Variants in MECOM observed in about 807,000 individuals in gnomAD.
MECOM encodes MDS1 and EVI1 complex locus.
Under a neutral mutation model 116.3 loss-of-function variants are expected in MECOM, and 13 were observed. That is an observed-to-expected ratio of 0.11 (90% CI 0.07 to 0.18). MECOM has a LOEUF of 0.18. MECOM is among the 10% of genes least tolerant of loss of function. The pLI is 1.00. For missense variants in MECOM, 1,299 were observed against 1,509.0 expected (o/e 0.86, Z 2.31); for synonymous variants, 528 against 535.2 (o/e 0.99, Z 0.19).
intron 1 of MECOM, among the ~76,000 whole-genome samples, chr3:169,603,877 G>T (rs1260759037): frequency 6.6e-6 from 1 of 152,088 alleles, no homozygotes; most frequent in Non-Finnish European, 1.5e-5. Context: ...GACTGTGTTT[G>T]CTTATCTCAA....
intron 10 of MECOM, 142 bp downstream of exon 10, chr3:169,107,784 G>T (rs1725912158): frequency 1.7e-6 from 1 of 599,752 alleles, no homozygotes; most frequent in African/African-American, 1.9e-5. Context: ...GCTTGAGAAA[G>T]CAGGGAAACT....
At chr3:169,130,219 A>T (rs2149196208) in intron 4 of MECOM, among the ~76,000 whole-genome samples, 1 of 152,310 alleles carries the variant, frequency 6.6e-6, no homozygotes, top group South Asian at 2.1e-4. Context: ...AATAAAAATA[A>T]TTGTTTGAAA....
intron 7 of MECOM, among the ~76,000 whole-genome samples, chr3:169,119,443 G>A (rs1348865102): frequency 6.6e-6 from 1 of 152,160 alleles, no homozygotes. Flanking sequence ...TATGCAATCT[G>A]ATTGGAAAGG....
intron 2 of MECOM, among the ~76,000 whole-genome samples, chr3:169,350,402 T>C (rs1726118846): frequency 6.6e-6 from 1 of 151,914 alleles, no homozygotes; most frequent in Non-Finnish European, 1.5e-5. Flanking sequence ...CTTTCAGTGC[T>C]TCCTTCTCTG....
At chr3:169,595,100 C>T (rs1461981690) in intron 1 of MECOM, among the ~76,000 whole-genome samples, 1 of 151,888 alleles carries the variant, frequency 6.6e-6, no homozygotes, top group African/African-American at 2.4e-5. Flanking sequence ...GTGGCTATGA[C>T]CTGAAATCAG....
intron 1 of MECOM, among the ~76,000 whole-genome samples, chr3:169,446,400 A>G (rs1279668163): frequency 6.6e-6 from 1 of 152,006 alleles, no homozygotes; most frequent in Admixed American, 6.6e-5. Flanking sequence ...TTCTCTTGCC[A>G]CTTGCCCTGC....
chr3:169,412,526 G>A (rs546211352), intron 1 of MECOM, among the ~76,000 whole-genome samples: 3 of 151,966 alleles, frequency 2.0e-5, no homozygotes, highest in African/African-American at 7.2e-5. Context: ...TGAAAGCTAC[G>A]ATCTATTGAT....
rs1741812104 is a variant in MECOM, at chr3:169,432,513, A to G, written c.38-50989T>C. On this transcript the variant is annotated intron_variant, in intron 1 of 16. Coordinates refer to ENST00000651503, the MANE Select transcript of MECOM (RefSeq NM_004991.4). ...AGCTGATCTCAAAGACTTATGAAAC[A>G]GTAAAGCAGATGTCAATGTCTCCCT... Among the ~76,000 whole-genome samples, 6 of 152,196 alleles carry G rather than the reference A, an allele frequency of 3.9e-5. No homozygotes were observed. In the South Asian group the frequency reaches 1.2e-3, roughly 32 times the overall value.
chr3:169,347,032 G>A (rs1243982017), intron 2 of MECOM, among the ~76,000 whole-genome samples: 1 of 152,014 alleles, frequency 6.6e-6, no homozygotes, highest in Non-Finnish European at 1.5e-5. Context: ...TACAATAATT[G>A]ATAAAGAATG....
At chr3:169,618,206 G>T (rs1412554496) in intron 1 of MECOM, among the ~76,000 whole-genome samples, 2 of 152,132 alleles carry the variant, frequency 1.3e-5, no homozygotes, top group Non-Finnish European at 2.9e-5. Context: ...TAAGTGACTT[G>T]TCTAAGAAGG....
chr3:169,483,202 ATTT>A (rs200735642), intron 1 of MECOM, among the ~76,000 whole-genome samples: 8 of 103,004 alleles, frequency 7.8e-5, no homozygotes, highest in Non-Finnish European at 1.2e-4. Flanking sequence ...TTTTATTTTT[ATTT>A]TTTTTTTTTT....
chr3:169,641,084 G>A (rs948230404), intron 1 of MECOM, among the ~76,000 whole-genome samples: 4 of 152,176 alleles, frequency 2.6e-5, no homozygotes, highest in African/African-American at 9.7e-5. Flanking sequence ...GTCATGCTAA[G>A]GGCCACCCTA....
chr3:169,126,439 G>A (rs2149164026), intron 5 of MECOM, among the ~76,000 whole-genome samples: 1 of 152,002 alleles, frequency 6.6e-6, no homozygotes, highest in African/African-American at 2.4e-5. Context: ...GTATTTGTTA[G>A]CTTCATTTTT....
chr3:169,568,165 C>T (rs926810274), intron 1 of MECOM, among the ~76,000 whole-genome samples: 3 of 152,142 alleles, frequency 2.0e-5, no homozygotes, highest in African/African-American at 7.2e-5. Context: ...GGGACCCTGC[C>T]ATGAGGGACA....
chr3:169,476,337 C>T (rs1750370527), intron 1 of MECOM, among the ~76,000 whole-genome samples: 1 of 152,128 alleles, frequency 6.6e-6, no homozygotes, highest in African/African-American at 2.4e-5. Flanking sequence ...ATCTAACCAC[C>T]ATTTGTTCTA....
chr3:169,442,299 G>T (rs184110451), intron 1 of MECOM, among the ~76,000 whole-genome samples: 8 of 152,260 alleles, frequency 5.3e-5, no homozygotes, highest in Admixed American at 5.2e-4. Context: ...GACCTCAGAT[G>T]ATCTGCCTAC....
intron 2 of MECOM, among the ~76,000 whole-genome samples, chr3:169,229,351 C>A (rs1753107844): frequency 6.6e-6 from 1 of 152,174 alleles, no homozygotes; most frequent in Non-Finnish European, 1.5e-5. Flanking sequence ...AGCATCTCAA[C>A]TAAAATTTCT....
chr3:169,189,878 T>G (rs1316370290), intron 2 of MECOM, among the ~76,000 whole-genome samples: 2 of 152,098 alleles, frequency 1.3e-5, no homozygotes, highest in African/African-American at 2.4e-5. Context: ...TTAAGTAAAT[T>G]TAGAGCCTCT....
intron 16 of MECOM, chr3:169,086,372 T>C (rs985992969): frequency 2.2e-5 from 13 of 578,668 alleles, no homozygotes; most frequent in African/African-American, 1.9e-4. Flanking sequence ...ATTCTGATTA[T>C]GTACCTACTT....
Sources: allele counts gnomAD v4.1 joint callset (sites outside exome capture counted in the v4.1 genomes callset), GRCh38; gene constraint gnomAD v4.1.1; transcripts MANE v1.5; gene names NCBI Gene and HGNC (gene_info 2026-07-23, HGNC 2026-07-21).